The following DNHD1 variants were observed in gnomAD, a reference collection of about 807,000 sequenced individuals.
DNHD1 encodes dynein heavy chain domain-containing protein 1.
A neutral mutation model predicts 458.1 loss-of-function variants in DNHD1; 383 were observed. The observed-to-expected ratio is 0.84, with a 90% CI of 0.77 to 0.91. The LOEUF (loss-of-function observed/expected upper bound fraction) is 0.91, where lower values mean the gene tolerates loss of function less well. Among genes scored for constraint, DNHD1 ranks in the 40% least tolerant of loss-of-function variants. The probability of loss-of-function intolerance (pLI) is 0.00; values close to 1 mark genes in which losing one functional copy is unlikely to be tolerated. For synonymous variants in DNHD1, 2,203 were observed against 2,376.9 expected, an observed-to-expected ratio of 0.93 and a Z score of 2.13; for missense variants, 5,336 against 5,866.1, an observed-to-expected ratio of 0.91 and a Z score of 2.95.
At position 6,498,745 on chromosome 11, in the gene DNHD1, T is replaced by A. The variant is rs1478104865; in HGVS notation, c.530T>A (p.Val177Glu). The A allele has an allele frequency of 5.6e-6, 9 of 1,613,964 alleles. No individual in the cohort carries two copies. The African/African-American group carries it at 1.2e-4, about 22-fold the overall frequency. Residue 177 changes from valine (V) to glutamate (E), a missense_variant, in exon 3 of 43, where the codon GTA becomes GAA. Transcript: ENST00000254579. ...FVQAQWSRQQ[V>E]KEELATWLRP... ...CAGGCCCAGTGGAGCAGGCAGCAAG[T>A]AAAGGAGGAGCTGGCCACCTGGCTG...
At chr11:6,529,255 C>T in intron 12 of DNHD1, 134 bp downstream of exon 12, 2 of 975,306 alleles carry the variant, frequency 2.1e-6, no homozygotes, top group Middle Eastern at 3.3e-4. Flanking sequence ...CCTTCCAAAG[C>T]CCGAGGTCCC....
Position 6,508,979 on chromosome 11 carries a change from C to A in DNHD1, c.1020C>A (p.Ser340Arg). 2 of 1,614,180 alleles carry A rather than the reference C, an allele frequency of 1.2e-6. No individual in the cohort carries two copies. Among genetic ancestry groups the A allele is most frequent in the Non-Finnish European group, 1.7e-6 (2 of 1,180,034 alleles). ...GILHVHPVEGSETMTLGTWHH... is the reference protein window; with the variant it reads ...GILHVHPVEGRETMTLGTWHH... ...TGCATGTACATCCTGTGGAAGGTAG[C>A]GAGACGATGACACTGGGTACCTGGC... is the stretch of plus-strand genomic sequence containing the variant. Residue 340 changes from serine (S) to arginine (R), a missense_variant, in exon 5 of 43, where the codon AGC becomes AGA. Physicochemically the swap from Ser to Arg is moderately radical, Grantham distance 110 (BLOSUM62 -1). Around this residue, in one of 4 missense-constraint regions of DNHD1, gnomAD observed 3,932 missense variants for 4,365.6 expected, o/e 0.90. Transcript: ENST00000254579.
Position 6,540,088 on chromosome 11 carries a change from G to C in DNHD1, c.3628+5G>C. 6.4e-7 allele frequency: 1 copy of C among 1,551,092 alleles called. No homozygotes were observed. The highest frequency in any genetic ancestry group is 1.2e-5 in the South Asian group (1 of 84,044). ...GTGGCACCTTCATCCTCTCAGGTGA[G>C]ACCCAGACCTTGTGACCTAGTGAAA... On this transcript the variant is annotated splice_donor_5th_base_variant and intron_variant, in intron 18 of 42. Coordinates refer to ENST00000254579, the MANE Select transcript of DNHD1 (RefSeq NM_144666.3).
chr11:6,502,673 A>G, intron 3 of DNHD1, 80 bp from the exon 4 acceptor site: 1 of 1,361,398 alleles, frequency 7.3e-7, no homozygotes, highest in South Asian at 1.6e-5. Flanking sequence ...TCCTTTCACT[A>G]GCCAACAGTG....
intron 7 of DNHD1, among the ~76,000 whole-genome samples, chr11:6,515,026 C>T (rs768936246): frequency 1.2e-4 from 19 of 152,168 alleles, no homozygotes; most frequent in Admixed American, 2.0e-4. Context: ...GATAACTAAC[C>T]CACTCCCATG....
rs1448502310 is a variant in DNHD1, at chr11:6,557,689, C to G, written c.8394C>G (p.Asp2798Glu). ...KTWWQKKPQM[D>E]LISPLLLPVL... ...GGTGGCAGAAGAAACCCCAGATGGA[C>G]CTGATCTCACCCTTGTTGTTACCAG... is the stretch of plus-strand genomic sequence containing the variant. The change falls in exon 25 of 43, where the codon GAC becomes GAG. Residue 2798 changes from aspartate (D) to glutamate (E), a missense_variant. Physicochemically the swap from Asp to Glu is conservative, Grantham distance 45. Coordinates refer to ENST00000254579, the MANE Select transcript of DNHD1 (RefSeq NM_144666.3). 7.1e-6 allele frequency: 11 copies of G among 1,551,716 alleles called. No individual in the cohort carries two copies. The highest frequency in any genetic ancestry group is 9.6e-6 in the Non-Finnish European group (11 of 1,146,988).
At position 6,566,416 on chromosome 11, in the gene DNHD1, C is replaced by A. The variant is rs1410164068; in HGVS notation, c.11206+23C>A. ...AAGGTGAGGCCCAGAGGGCAAATTG[C>A]CAGCACAGTTGTGTGGACACACTAG... On this transcript the variant is annotated intron_variant, in intron 34 of 42. Coordinates refer to ENST00000254579, the MANE Select transcript of DNHD1 (RefSeq NM_144666.3). 5 of 1,556,594 alleles carry A rather than the reference C, an allele frequency of 3.2e-6. No individual in the cohort carries two copies. In the East Asian group the frequency reaches 1.2e-4, roughly 38 times the overall value.
chr11:6,533,511 A>G (rs1189749877), intron 13 of DNHD1, among the ~76,000 whole-genome samples, 170 bp from the exon 14 acceptor site: 1 of 152,150 alleles, frequency 6.6e-6, no homozygotes, highest in African/African-American at 2.4e-5. Flanking sequence ...GAGAGATTTG[A>G]TCCCTCTGGA....
intron 24 of DNHD1, among the ~76,000 whole-genome samples, chr11:6,551,552 A>C (rs1005975966): frequency 2.0e-5 from 3 of 152,266 alleles, no homozygotes; most frequent in African/African-American, 7.2e-5. Context: ...TAAAATTGAC[A>C]ATCGCCTATT....
intron 39 of DNHD1, 134 bp downstream of exon 39, chr11:6,569,000 G>C (rs1051950120): frequency 1.2e-5 from 13 of 1,117,884 alleles, no homozygotes; most frequent in East Asian, 1.0e-4. Context: ...GTCAAGGAAG[G>C]CTTCTCCAAA....
intron 39 of DNHD1, 53 bp from the exon 40 acceptor site, chr11:6,569,956 T>A (rs926394392): frequency 6.6e-7 from 1 of 1,507,748 alleles, no homozygotes; most frequent in Non-Finnish European, 9.2e-7. Flanking sequence ...GACTTGACAG[T>A]CCTCAGCATA....
intron 10 of DNHD1, among the ~76,000 whole-genome samples, chr11:6,522,594 A>C (rs1473455194): frequency 6.6e-6 from 1 of 152,184 alleles, no homozygotes; most frequent in Non-Finnish European, 1.5e-5. Context: ...ACAAACCTGC[A>C]CATGTACCCC....
chr11:6,550,761 A>T (rs1376339459), intron 24 of DNHD1, among the ~76,000 whole-genome samples: 11 of 152,244 alleles, frequency 7.2e-5, no homozygotes, highest in Admixed American at 7.2e-4. Flanking sequence ...GACAAAGGAT[A>T]TTACCAGAGA....
intron 40 of DNHD1, 51 bp from the exon 41 acceptor site, chr11:6,570,196 G>A: frequency 6.2e-7 from 1 of 1,613,704 alleles, no homozygotes; most frequent in Non-Finnish European, 8.5e-7. Flanking sequence ...GGTTTTGGCG[G>A]TGGTGGAAAC....
In DNHD1 at chr11:6,571,054, C is replaced by T. The variant is rs1276706077; in HGVS notation, c.13542C>T (p.Pro4514=). The part of the protein sequence containing the change: ...DCLLQQLKGA[P]PCPSRRCAAV... ...TGTTGCAGCAGCTGAAGGGCGCACC[C>T]CCGTGCCCCTCCCGCCGCTGTGCTG... Residue 4514 remains proline (P), a synonymous_variant, in exon 42 of 43, where the codon CCC becomes CCT. Transcript: ENST00000254579. This position sits in a 1 kb window ranked among gnomAD's most constrained non-coding sequence, Gnocchi z 5.0. The T allele has an allele frequency of 8.2e-6, 13 of 1,579,186 alleles. No individual in the cohort carries two copies. The highest frequency in any genetic ancestry group is 1.2e-5 in the South Asian group (1 of 86,340).
chr11:6,566,778 T>A lies in DNHD1; in HGVS notation c.11385+13T>A. On this transcript the variant is annotated intron_variant, in intron 35 of 42. Transcript: ENST00000254579. The stretch of plus-strand genomic sequence containing the variant: ...GGAGGCTGCTGAGGTGCTTGGGGGC[T>A]CAGTCTGTGGGTTGAGATGAGCATT... 6.2e-7 allele frequency: 1 copy of A among 1,607,048 alleles called. No individual in the cohort carries two copies. Among genetic ancestry groups the A allele is most frequent in the African/African-American group, 1.3e-5 (1 of 74,884 alleles).
intron 7 of DNHD1, among the ~76,000 whole-genome samples, chr11:6,516,654 C>A (rs959429758): frequency 2.0e-5 from 3 of 152,040 alleles, no homozygotes; most frequent in African/African-American, 7.2e-5. Context: ...TGTTTGCTGT[C>A]TCTCTCCCTC....
In DNHD1 at chr11:6,546,500, G is replaced by C. The variant is rs1479059668; in HGVS notation, c.5561G>C (p.Arg1854Pro). ...GMRDAFQMAT[R>P]LSKFFSLERE... ...AGGGATGCCTTCCAGATGGCTACCC[G>C]CCTATCCAAATTCTTCTCTCTAGAG... is the stretch of plus-strand genomic sequence containing the variant. The change falls in exon 21 of 43, where the codon CGC becomes CCC. Residue 1854 changes from arginine (R) to proline (P), a missense_variant. Physicochemically the swap from Arg to Pro is moderately radical, Grantham distance 103. Coordinates refer to ENST00000254579, the MANE Select transcript of DNHD1 (RefSeq NM_144666.3). The C allele has an allele frequency of 1.2e-5, 18 of 1,550,784 alleles. 1 individual carries two copies. The South Asian group carries it at 2.0e-4, about 17-fold the overall frequency.
In DNHD1 at chr11:6,531,017, G is replaced by A. The variant is rs146724888; in HGVS notation, c.2347+1896G>A. 4.1e-4 allele frequency among the ~76,000 whole-genome samples: 62 copies of A among 152,214 alleles called. 2 individuals are homozygous for A. The highest frequency in any genetic ancestry group is 4.1e-3 in the East Asian group (21 of 5,174). On this transcript the variant is annotated intron_variant, in intron 12 of 42. Transcript: ENST00000254579. The stretch of plus-strand genomic sequence containing the variant: ...GTTTTAGTTTCTTTATTTGTAAGCT[G>A]GGCATGATAACACAGTCACTCACAG...
Sources: gnomAD v4.1 joint callset for allele counts (sites outside exome capture counted in the v4.1 genomes callset) on GRCh38, gnomAD v4.1.1 for gene constraint, gnomAD v4.1.1 regional missense constraint, Gnocchi (gnomAD v3.1) non-coding constraint, MANE v1.5 for transcripts, NCBI Gene and HGNC (gene_info 2026-07-23, HGNC 2026-07-21) for gene names.